ADGRD1: variants seen among roughly 807,000 people sequenced by gnomAD.
ADGRD1 encodes adhesion G protein-coupled receptor D1.
ADGRD1 carries 77 observed loss-of-function variants against 113.4 expected under a neutral mutation model. That is an observed-to-expected ratio of 0.68 (90% CI 0.57 to 0.82). ADGRD1 has a LOEUF of 0.82. Among genes scored for constraint, ADGRD1 ranks in the 40% least tolerant of loss-of-function variants. ADGRD1 has a pLI of 0.00. For synonymous variants in ADGRD1, 474 were observed against 475.0 expected, an observed-to-expected ratio of 1.00 and a Z score of 0.03; for missense variants, 1,036 against 1,139.1, an observed-to-expected ratio of 0.91 and a Z score of 1.30.
At chr12:131,131,262 G>C (rs543185227) in intron 20 of ADGRD1, among the ~76,000 whole-genome samples, 1 of 152,176 alleles carries the variant, frequency 6.6e-6, no homozygotes, top group African/African-American at 2.4e-5. Flanking sequence ...TCTGTGGCTC[G>C]CACAGCCGCA....
At chr12:130,963,591 A>G (rs1870667923) in intron 2 of ADGRD1, among the ~76,000 whole-genome samples, 1 of 152,198 alleles carries the variant, frequency 6.6e-6, no homozygotes, top group African/African-American at 2.4e-5. Context: ...TATCAATGAA[A>G]GAATATGCCA....
chr12:130,995,718 G>A (rs12309565), intron 8 of ADGRD1, among the ~76,000 whole-genome samples: 1,608 of 151,384 alleles, frequency 0.011, 41 homozygotes, highest in African/African-American at 0.036. Flanking sequence ...TTTAAGAAAT[G>A]GGCAGTGAAC....
intron 23 of ADGRD1, 55 bp downstream of exon 23, chr12:131,137,069 A>T (rs1951105586): frequency 2.1e-6 from 3 of 1,417,264 alleles, no homozygotes; most frequent in Non-Finnish European, 3.0e-6. Context: ...TTCCTTTCCG[A>T]AAGGTCACAG....
chr12:131,139,106 T>C (rs1455455037), intron 24 of ADGRD1, 62 bp from the exon 25 acceptor site: 6 of 1,327,298 alleles, frequency 4.5e-6, no homozygotes, highest in Non-Finnish European at 6.5e-6. Flanking sequence ...CCGCACTCAC[T>C]GGGCTTATGG....
intron 21 of ADGRD1, 120 bp downstream of exon 21, chr12:131,131,936 G>A (rs1003459362): frequency 1.4e-6 from 1 of 692,828 alleles, no homozygotes; most frequent in Non-Finnish European, 2.6e-6. Context: ...TCCTCCACTT[G>A]CTCCGTGTCC....
At chr12:131,082,587 C>G (rs1008712335) in intron 14 of ADGRD1, among the ~76,000 whole-genome samples, 21 of 152,144 alleles carry the variant, frequency 1.4e-4, no homozygotes, top group Middle Eastern at 3.2e-3. Context: ...TCAGGCCCCC[C>G]CCTCAAATTG....
In ADGRD1 at chr12:131,041,620, G is replaced by A. The variant is rs1882141179; in HGVS notation, c.1473+27280G>A. ...TTATAGCTGGAGAGGAAGGTGTGCA[G>A]CTTAATGAGGCTCTGCAGAGACCCA... On this transcript the variant is annotated intron_variant, in intron 13 of 24. Coordinates refer to ENST00000261654, the MANE Select transcript of ADGRD1 (RefSeq NM_198827.5). This position sits in a 1 kb window ranked among gnomAD's most constrained non-coding sequence, Gnocchi z 4.4. Among the ~76,000 whole-genome samples the A allele has an allele frequency of 6.6e-6, 1 of 152,214 alleles. No homozygotes were observed. Among genetic ancestry groups the A allele is most frequent in the Non-Finnish European group, 1.5e-5 (1 of 68,038 alleles).
At chr12:131,109,790 C>T (rs949633466) in intron 18 of ADGRD1, among the ~76,000 whole-genome samples, 3 of 152,156 alleles carry the variant, frequency 2.0e-5, no homozygotes, top group African/African-American at 4.8e-5. Context: ...CATCGCTGAT[C>T]CTTTTTCTAG....
chr12:131,000,007 G>GC (rs952393614), intron 8 of ADGRD1, among the ~76,000 whole-genome samples: 5 of 152,156 alleles, frequency 3.3e-5, no homozygotes, highest in African/African-American at 1.2e-4. Flanking sequence ...TTGGTTTCTC[G>GC]CCCCAAGAAA....
chr12:130,991,833 A>C (rs1304741772), intron 7 of ADGRD1, among the ~76,000 whole-genome samples: 2 of 152,172 alleles, frequency 1.3e-5, no homozygotes, highest in African/African-American at 4.8e-5. Flanking sequence ...AAATAAAAAA[A>C]AGAGCAGCCA....
chr12:130,969,058 T>G (rs545076747), intron 3 of ADGRD1: 1 of 1,512,776 alleles, frequency 6.6e-7, no homozygotes, highest in South Asian at 1.2e-5. Flanking sequence ...TACTCAAATC[T>G]CTCTGCAACT....
intron 2 of ADGRD1, among the ~76,000 whole-genome samples, chr12:130,963,337 AAAAAAGAAAG>A (rs1870619745): frequency 6.6e-6 from 1 of 150,510 alleles, no homozygotes. Context: ...AAAAAAAAAA[AAAAAAGAAAG>A]AAAAATTCAA....
intron 2 of ADGRD1, among the ~76,000 whole-genome samples, chr12:130,958,392 G>T (rs1204086989): frequency 6.6e-6 from 1 of 151,986 alleles, no homozygotes; most frequent in Non-Finnish European, 1.5e-5. Flanking sequence ...TAGAGACGGG[G>T]TTTCACCATG....
chr12:131,102,259 C>T (rs900293081), intron 15 of ADGRD1, among the ~76,000 whole-genome samples: 7 of 152,192 alleles, frequency 4.6e-5, no homozygotes, highest in South Asian at 2.1e-4. Context: ...CGCGGCTATG[C>T]GATTAATGGG....
intron 15 of ADGRD1, among the ~76,000 whole-genome samples, chr12:131,089,982 A>T (rs1178882823): frequency 1.3e-5 from 2 of 152,188 alleles, no homozygotes; most frequent in Non-Finnish European, 2.9e-5. Flanking sequence ...AGGGGGAGTT[A>T]CACTTTCAGC....
chr12:131,074,137 C>T (rs576390126), intron 13 of ADGRD1, among the ~76,000 whole-genome samples: 1 of 152,286 alleles, frequency 6.6e-6, no homozygotes, highest in Non-Finnish European at 1.5e-5. Flanking sequence ...TGCTCATGAA[C>T]AGTAGGCAAT....
intron 6 of ADGRD1, chr12:130,987,620 G>C (rs989726309): frequency 2.6e-5 from 13 of 497,742 alleles, no homozygotes; most frequent in Non-Finnish European, 3.6e-5. Context: ...ATTATAGAAG[G>C]CTTTGGAGAG....
chr12:131,006,071 C>T (rs995696573), intron 12 of ADGRD1, 24 bp downstream of exon 12: 1 of 1,604,690 alleles, frequency 6.2e-7, no homozygotes, highest in Non-Finnish European at 8.5e-7. Context: ...GTGCTCAGCT[C>T]AGGGGCGTGG....
rs371171480 is a variant in ADGRD1, at chr12:131,101,663, G to A, written c.1672-3168G>A. Among the ~76,000 whole-genome samples the A allele has an allele frequency of 1.6e-3, 239 of 152,166 alleles. 4 individuals carry two copies. The highest frequency in any genetic ancestry group is 5.6e-3 in the African/African-American group (234 of 41,480). On this transcript the variant is annotated intron_variant, in intron 15 of 24. Coordinates refer to ENST00000261654, the MANE Select transcript of ADGRD1 (RefSeq NM_198827.5). The stretch of plus-strand genomic sequence containing the variant: ...TCGGCCTCCCAGAGTGATTACAGGC[G>A]TGAGCCACTGTGTCTGGCCTCCATT...
Sources: allele counts gnomAD v4.1 joint callset (sites outside exome capture counted in the v4.1 genomes callset), GRCh38; gene constraint gnomAD v4.1.1; non-coding constraint Gnocchi (gnomAD v3.1); transcripts MANE v1.5; gene names NCBI Gene and HGNC (gene_info 2026-07-23, HGNC 2026-07-21).